Variants in GRM8 observed in about 807,000 individuals in gnomAD.
The protein encoded by GRM8 is glutamate metabotropic receptor 8.
GRM8 carries 47 observed loss-of-function variants against 87.2 expected under a neutral mutation model. The ratio of observed to expected loss-of-function variants is 0.54; its 90% CI spans 0.43 to 0.69. The LOEUF is 0.69. Among genes scored for constraint, GRM8 ranks in the 30% least tolerant of loss-of-function variants. The pLI is 0.00. For synonymous variants in GRM8, 396 were observed against 404.5 expected (o/e 0.98, Z 0.25); for missense variants, 1,019 against 1,139.2 (o/e 0.89, Z 1.52).
chr7:127,176,168 TA>T (rs1794093013), intron 2 of GRM8, among the ~76,000 whole-genome samples: 1 of 152,066 alleles, frequency 6.6e-6, no homozygotes, highest in African/African-American at 2.4e-5. Context: ...AGACCACTAT[TA>T]AAAAAATTTT....
At chr7:126,661,774 T>A (rs1159973544) in intron 7 of GRM8, among the ~76,000 whole-genome samples, 2 of 152,192 alleles carry the variant, frequency 1.3e-5, no homozygotes, top group Non-Finnish European at 2.9e-5. Context: ...GTGACTGCCA[T>A]ACTCTTCCTC....
At chr7:126,729,703 C>T (rs1813390010) in intron 7 of GRM8, among the ~76,000 whole-genome samples, 2 of 152,164 alleles carry the variant, frequency 1.3e-5, no homozygotes, top group Admixed American at 6.6e-5. Context: ...CCTTGTGTCA[C>T]CTATGATTTC....
rs147961064 is a variant in GRM8 at position 126,899,220 on chromosome 7, A to G, written c.1156+3322T>C. Among the ~76,000 whole-genome samples the G allele has an allele frequency of 2.1e-3, 326 of 152,130 alleles. 3 individuals are homozygous for G. The highest frequency in any genetic ancestry group is 7.5e-3 in the African/African-American group (310 of 41,494). Reference sequence around the variant, plus strand: ...ATGAATTTAAAGAGAATCAAACAATAACATTCAGAACTCAAAGTTAAGCAT... The same window carrying G: ...ATGAATTTAAAGAGAATCAAACAATGACATTCAGAACTCAAAGTTAAGCAT... On this transcript the variant is annotated intron_variant, in intron 6 of 10. Transcript: ENST00000339582.
At chr7:126,918,123 A>T (rs1251366032) in intron 3 of GRM8, among the ~76,000 whole-genome samples, 1 of 152,214 alleles carries the variant, frequency 6.6e-6, no homozygotes, top group East Asian at 1.9e-4. Flanking sequence ...GGGACAAAAG[A>T]CCAAGAAAAT....
chr7:127,121,207 G>A (rs1024773348), intron 2 of GRM8, among the ~76,000 whole-genome samples: 1 of 152,144 alleles, frequency 6.6e-6, no homozygotes, highest in Non-Finnish European at 1.5e-5. Context: ...CCCTCTACAT[G>A]AGCAATCAAG....
At chr7:126,483,102 T>C (rs1563056888) in intron 9 of GRM8, among the ~76,000 whole-genome samples, 5 of 147,896 alleles carry the variant, frequency 3.4e-5, no homozygotes, top group African/African-American at 9.8e-5. Flanking sequence ...TTATTTGTTA[T>C]ATAAATATAT....
chr7:126,767,972 C>T (rs1286558561), intron 7 of GRM8, among the ~76,000 whole-genome samples: 1 of 152,058 alleles, frequency 6.6e-6, no homozygotes, highest in East Asian at 1.9e-4. Flanking sequence ...CAGCACAGTT[C>T]TATTATGCTC....
chr7:126,994,270 A>T (rs893263801), intron 3 of GRM8, among the ~76,000 whole-genome samples: 11 of 152,180 alleles, frequency 7.2e-5, no homozygotes, highest in African/African-American at 2.7e-4. Context: ...AAGGGAATGA[A>T]CAAGTACTGG....
intron 7 of GRM8, among the ~76,000 whole-genome samples, chr7:126,696,251 C>T (rs1458196504): frequency 2.0e-5 from 3 of 152,104 alleles, no homozygotes; most frequent in Non-Finnish European, 1.5e-5. Context: ...GTCTGGGATA[C>T]ATAAGTAGGA....
At chr7:126,634,668 C>T (rs1032204137) in intron 7 of GRM8, among the ~76,000 whole-genome samples, 6 of 134,124 alleles carry the variant, frequency 4.5e-5, no homozygotes, top group African/African-American at 1.5e-4. Flanking sequence ...TTCCTGCCTT[C>T]CTTCCTCCCC....
rs1057455062 is a variant in GRM8, at chr7:127,149,283, C to T, written c.511-42571G>A. Among the ~76,000 whole-genome samples, 7 of 152,008 alleles carry T rather than the reference C, an allele frequency of 4.6e-5. No individual in the cohort carries two copies. The South Asian group carries it at 1.5e-3, about 32-fold the overall frequency. ...CTCAATAGACATTCTCCAAAGAAGA[C>T]ATAAAAATGGCCAATAGATAGATGA... On this transcript the variant is annotated intron_variant, in intron 2 of 10. Coordinates refer to ENST00000339582, the MANE Select transcript of GRM8 (RefSeq NM_000845.3).
chr7:126,673,024 G>C (rs918237972), intron 7 of GRM8, among the ~76,000 whole-genome samples: 1 of 152,162 alleles, frequency 6.6e-6, no homozygotes. Context: ...CAGCCAGGTG[G>C]GAGGGGGTGC....
At chr7:126,800,008 T>C (rs769861134) in intron 6 of GRM8, among the ~76,000 whole-genome samples, 1 of 152,080 alleles carries the variant, frequency 6.6e-6, no homozygotes, top group Non-Finnish European at 1.5e-5. Context: ...CAGAAGATAG[T>C]TAGAATAGGA....
chr7:126,584,227 C>CT (rs147591844), intron 8 of GRM8, among the ~76,000 whole-genome samples: 46,693 of 151,320 alleles, frequency 0.31, 8,037 homozygotes, highest in East Asian at 0.44. Flanking sequence ...GTAAAGATAA[C>CT]TTTTTTTTTA....
In GRM8 at chr7:127,173,331, A is replaced by G. The variant is rs80025661; in HGVS notation, c.511-66619T>C. Among the ~76,000 whole-genome samples, 273 of 152,284 alleles carry G rather than the reference A, an allele frequency of 1.8e-3. 1 individual carries two copies. Among genetic ancestry groups the G allele is most frequent in the African/African-American group, 6.1e-3 (254 of 41,570 alleles). ...GATCAAAGACTTGAATAAGTTGAGA[A>G]TTAGCCATGTGGACATCTAGGGAAA... On this transcript the variant is annotated intron_variant, in intron 2 of 10. Transcript: ENST00000339582.
At chr7:126,478,899 A>T (rs1003099999) in intron 9 of GRM8, among the ~76,000 whole-genome samples, 2 of 152,164 alleles carry the variant, frequency 1.3e-5, no homozygotes, top group Admixed American at 1.3e-4. Flanking sequence ...ACTGCCCTAG[A>T]TCAAAGCAGA....
chr7:126,568,047 T>C (rs1306936706), intron 8 of GRM8, among the ~76,000 whole-genome samples: 1 of 152,144 alleles, frequency 6.6e-6, no homozygotes, highest in Non-Finnish European at 1.5e-5. Flanking sequence ...CTTGTTTATA[T>C]CTCCAACAAA....
chr7:127,188,688 C>G (rs145138125), intron 2 of GRM8, among the ~76,000 whole-genome samples: 103 of 152,316 alleles, frequency 6.8e-4, no homozygotes, highest in Middle Eastern at 3.4e-3. Context: ...CACCTCCAGC[C>G]AAGCCTGGTA....
At chr7:126,482,579 G>C (rs949693576) in intron 9 of GRM8, among the ~76,000 whole-genome samples, 16 of 151,932 alleles carry the variant, frequency 1.1e-4, no homozygotes, top group African/African-American at 3.9e-4. Context: ...GCTTATATAA[G>C]GTACCTAGAG....
Sources: gnomAD v4.1 joint callset for allele counts (sites outside exome capture counted in the v4.1 genomes callset) on GRCh38, gnomAD v4.1.1 for gene constraint, MANE v1.5 for transcripts, NCBI Gene and HGNC (gene_info 2026-07-23, HGNC 2026-07-21) for gene names.